PCSK6: variants seen among roughly 807,000 people sequenced by gnomAD.
The protein encoded by PCSK6 is proprotein convertase subtilisin/kexin type 6.
A neutral mutation model predicts 123.3 loss-of-function variants in PCSK6; 85 were observed. The ratio of observed to expected loss-of-function variants is 0.69; its 90% CI spans 0.58 to 0.83. The LOEUF (loss-of-function observed/expected upper bound fraction) is 0.83. PCSK6 is among the 40% of genes least tolerant of loss of function. The probability of loss-of-function intolerance (pLI) is 0.00; values close to 1 mark genes in which losing one functional copy is unlikely to be tolerated. For synonymous variants in PCSK6, 508 were observed against 516.0 expected, an observed-to-expected ratio of 0.98 and a Z score of 0.21; for missense variants, 1,191 against 1,282.3, an observed-to-expected ratio of 0.93 and a Z score of 1.09.
chr15:101,443,198 C>T (rs1404312157), intron 2 of PCSK6, among the ~76,000 whole-genome samples: 4 of 152,200 alleles, frequency 2.6e-5, no homozygotes, highest in Non-Finnish European at 4.4e-5. Flanking sequence ...TTTTCAAATT[C>T]ATAGTAACCA....
intron 12 of PCSK6, among the ~76,000 whole-genome samples, chr15:101,367,046 CG>C (rs1014764882): frequency 1.3e-5 from 2 of 152,098 alleles, no homozygotes; most frequent in African/African-American, 4.8e-5. Flanking sequence ...CCGTGGAGAG[CG>C]GGGGGAGGAG....
chr15:101,305,084 C>G lies in PCSK6; in HGVS notation c.*174G>C. 1 of 590,048 alleles carries G rather than the reference C, an allele frequency of 1.7e-6. No individual in the cohort carries two copies. Among genetic ancestry groups the G allele is most frequent in the Non-Finnish European group, 3.0e-6 (1 of 330,724 alleles). 36.6% of individuals were successfully genotyped at this position (590,048 alleles called of 1,614,324 possible). A position where few individuals can be genotyped will look rare whatever the true frequency, so the allele number is the denominator to read the frequency against. ...GAGGATATCACCATTTTAGGAACAC[C>G]TCCTTAAGAGCCACCACCCACCTGG... is the stretch of plus-strand genomic sequence containing the variant. On this transcript the variant is annotated 3_prime_UTR_variant, in exon 22 of 22. Coordinates refer to ENST00000611716, the MANE Select transcript of PCSK6 (RefSeq NM_002570.5). The surrounding 1 kb of genome is among the most constrained non-coding windows in gnomAD (Gnocchi z 4.8).
chr15:101,462,252 T>C (rs1228108146), intron 1 of PCSK6, among the ~76,000 whole-genome samples: 2 of 152,226 alleles, frequency 1.3e-5, no homozygotes, highest in African/African-American at 4.8e-5. Context: ...GTGTAAGTTG[T>C]GTATATAAGA....
Position 101,456,344 on chromosome 15 carries a change from G to A in PCSK6, c.298-12684C>T, listed in dbSNP as rs139876761. ...CGTCTGTGCGTTTATCAATAGTGACGCCCACCCTGACTCCTGGGCTGCTCC... is the reference window on the plus strand; with the variant it reads ...CGTCTGTGCGTTTATCAATAGTGACACCCACCCTGACTCCTGGGCTGCTCC... On this transcript the variant is annotated intron_variant, in intron 1 of 21. Transcript: ENST00000611716. Among the ~76,000 whole-genome samples, 664 of 152,258 alleles carry A rather than the reference G, an allele frequency of 4.4e-3. 3 individuals carry two copies. Among genetic ancestry groups the A allele is most frequent in the African/African-American group, 0.015 (617 of 41,554 alleles).
intron 21 of PCSK6, among the ~76,000 whole-genome samples, chr15:101,306,829 A>G (rs2039733309): frequency 6.6e-6 from 1 of 152,170 alleles, no homozygotes; most frequent in Non-Finnish European, 1.5e-5. Context: ...TCCTGAGCAG[A>G]GACCCTCCAG....
At chr15:101,463,605 A>T (rs4965871) in intron 1 of PCSK6, among the ~76,000 whole-genome samples, 111,122 of 151,820 alleles carry the variant, frequency 0.73, 41,436 homozygotes, top group Non-Finnish European at 0.82. Flanking sequence ...CACGAAGGGA[A>T]TCTGGGATTC....
At chr15:101,311,196 C>T (rs2516528) in intron 20 of PCSK6, among the ~76,000 whole-genome samples, 19,834 of 151,932 alleles carry the variant, frequency 0.13, 1,357 homozygotes, top group South Asian at 0.18. Flanking sequence ...CTGCAACCTC[C>T]GCCTCCTTGG....
At chr15:101,366,941 C>G (rs1456978822) in intron 12 of PCSK6, among the ~76,000 whole-genome samples, 1 of 152,192 alleles carries the variant, frequency 6.6e-6, no homozygotes, top group Non-Finnish European at 1.5e-5. Context: ...AAAGTTCTGT[C>G]CCTTCACCTG....
chr15:101,429,798 C>T (rs2056384704), intron 5 of PCSK6, among the ~76,000 whole-genome samples, 189 bp downstream of exon 5: 2 of 152,256 alleles, frequency 1.3e-5, no homozygotes, highest in African/African-American at 4.8e-5. Flanking sequence ...AGGCTGACTC[C>T]ACAGAAGCTG....
At chr15:101,431,884 G>T in intron 3 of PCSK6, 106 bp downstream of exon 3, 1 of 808,870 alleles carries the variant, frequency 1.2e-6, no homozygotes, top group Non-Finnish European at 2.1e-6. Flanking sequence ...AAGTGTGTCT[G>T]TCTGGAGATG....
chr15:101,400,940 A>C (rs1016861692), intron 6 of PCSK6, among the ~76,000 whole-genome samples: 2 of 152,234 alleles, frequency 1.3e-5, no homozygotes, highest in African/African-American at 4.8e-5. Context: ...ATATGCCCTG[A>C]AATTTCCCAG....
chr15:101,400,230 A>G (rs1383561921), intron 6 of PCSK6, among the ~76,000 whole-genome samples: 1 of 152,056 alleles, frequency 6.6e-6, no homozygotes, highest in African/African-American at 2.4e-5. Context: ...TCTGGCATAT[A>G]CTTTCTTTCT....
intron 13 of PCSK6, among the ~76,000 whole-genome samples, chr15:101,354,896 A>G (rs2040996844): frequency 6.6e-6 from 1 of 152,246 alleles, no homozygotes. Flanking sequence ...ACTAGCAAGA[A>G]TAACTTTTCC....
chr15:101,382,262 A>T (rs1054166497), intron 10 of PCSK6, 53 bp from the exon 11 acceptor site: 7 of 1,386,532 alleles, frequency 5.0e-6, no homozygotes, highest in Middle Eastern at 1.8e-4. Context: ...CCAGGAAGGG[A>T]GCAAGGCTGG....
intron 1 of PCSK6, among the ~76,000 whole-genome samples, chr15:101,468,049 T>C (rs2057509008): frequency 6.6e-6 from 1 of 152,232 alleles, no homozygotes; most frequent in Non-Finnish European, 1.5e-5. Flanking sequence ...ATAATAGATT[T>C]TAAATGTTAA....
At chr15:101,453,907 T>A (rs963682486) in intron 1 of PCSK6, among the ~76,000 whole-genome samples, 15 of 152,188 alleles carry the variant, frequency 9.9e-5, no homozygotes, top group Admixed American at 9.8e-4. Flanking sequence ...TCTGTGACCT[T>A]GAGCACCAAA....
At chr15:101,360,999 T>C (rs141950681) in intron 13 of PCSK6, among the ~76,000 whole-genome samples, 357 of 152,344 alleles carry the variant, frequency 2.3e-3, no homozygotes, top group African/African-American at 8.2e-3. Context: ...CACCAGTGCA[T>C]CCCCAGTGCT....
At chr15:101,381,521 G>C (rs2041910018) in intron 11 of PCSK6, among the ~76,000 whole-genome samples, 2 of 152,224 alleles carry the variant, frequency 1.3e-5, no homozygotes, top group Admixed American at 1.3e-4. Flanking sequence ...TAAGCCTTAA[G>C]AAGGTTGTAC....
At chr15:101,377,523 C>T (rs1373015124) in intron 11 of PCSK6, among the ~76,000 whole-genome samples, 5 of 152,176 alleles carry the variant, frequency 3.3e-5, no homozygotes, top group African/African-American at 1.2e-4. Context: ...GAACTCCAAC[C>T]TCACATGTTT....
Sources: gnomAD v4.1 joint callset for allele counts (sites outside exome capture counted in the v4.1 genomes callset) on GRCh38, gnomAD v4.1.1 for gene constraint, Gnocchi (gnomAD v3.1) non-coding constraint, MANE v1.5 for transcripts, NCBI Gene and HGNC (gene_info 2026-07-23, HGNC 2026-07-21) for gene names.